LINC00632: variants seen among roughly 807,000 people sequenced by gnomAD.
LINC00632 encodes the protein ALDOA related specific transcript.
chrX:140,738,974 G>A (rs1412379775), intron 3 of LINC00632, among the ~76,000 whole-genome samples: 2 of 111,616 alleles, frequency 1.8e-5, no homozygotes, highest in Non-Finnish European at 3.8e-5. Context: ...CTGATGTAAC[G>A]TGTGCCTTTT....
At chrX:140,748,121 C>T (rs1383746960) in intron 3 of LINC00632, among the ~76,000 whole-genome samples, 1 of 111,953 alleles carries the variant, frequency 8.9e-6, no homozygotes, top group Non-Finnish European at 1.9e-5. Flanking sequence ...AGCCACCATG[C>T]CTGGCCTATC....
In LINC00632 at chrX:140,723,672, C is replaced by T. The variant is rs868063162; in HGVS notation, n.105-10206C>T. 8.6e-4 allele frequency among the ~76,000 whole-genome samples: 17 copies of T among 19,803 alleles called. 1 individual carries two copies. The highest frequency in any genetic ancestry group is 1.5e-3 in the Admixed American group (2 of 1,320). 17.2% of individuals were successfully genotyped at this position (19,803 alleles called of 115,157 possible). On this transcript the variant is annotated intron_variant and non_coding_transcript_variant, in intron 2 of 4. Transcript: ENST00000648200. ...TACACACACACATTCCATATACACA[C>T]ATTCCATACACACACATAGACACAC...
chrX:140,751,279 C>T (rs992200192), intron 3 of LINC00632, among the ~76,000 whole-genome samples: 2 of 91,799 alleles, frequency 2.2e-5, no homozygotes, highest in African/African-American at 7.3e-5. Flanking sequence ...ACATCCATGC[C>T]AACATCTTTT....
chrX:140,790,040 C>A (rs895039928), exon 5 of LINC00632, among the ~76,000 whole-genome samples: 6 of 111,197 alleles, frequency 5.4e-5, no homozygotes, highest in African/African-American at 2.0e-4. Flanking sequence ...CCTATATATT[C>A]TTCTAATCAA....
exon 5 of LINC00632, among the ~76,000 whole-genome samples, chrX:140,777,684 G>A (rs1359832056): frequency 8.0e-5 from 9 of 112,055 alleles, no homozygotes; most frequent in Non-Finnish European, 1.7e-4. Context: ...AGTGGGCCCA[G>A]GAACTAGGAA....
intron 3 of LINC00632, among the ~76,000 whole-genome samples, chrX:140,771,667 A>ATT (rs1931798038): frequency 3.8e-5 from 1 of 26,561 alleles, no homozygotes; most frequent in Non-Finnish European, 6.6e-5. Flanking sequence ...GTGTGTGTGT[A>ATT]TATATATATA....
chrX:140,765,824 C>T (rs1334868878), intron 3 of LINC00632, among the ~76,000 whole-genome samples: 10 of 111,698 alleles, frequency 9.0e-5, no homozygotes, highest in African/African-American at 3.3e-4. Context: ...CAAGTAGCTC[C>T]GGAGTAGGGG....
chrX:140,718,943 A>T (rs1417764325), intron 2 of LINC00632, among the ~76,000 whole-genome samples: 1 of 111,747 alleles, frequency 8.9e-6, no homozygotes, highest in African/African-American at 3.3e-5. Context: ...CCACAACACA[A>T]GGAACTCACT....
At chrX:140,761,668 C>T (rs1470155532) in intron 3 of LINC00632, among the ~76,000 whole-genome samples, 1 of 112,784 alleles carries the variant, frequency 8.9e-6, no homozygotes, top group Non-Finnish European at 1.9e-5. Flanking sequence ...CCTTAAGTAT[C>T]TTCTTCCCAA....
At chrX:140,716,960 A>G (rs1381805306) in intron 2 of LINC00632, among the ~76,000 whole-genome samples, 1 of 110,657 alleles carries the variant, frequency 9.0e-6, no homozygotes, top group African/African-American at 3.3e-5. Context: ...TGGCAGCATC[A>G]CATGATAACA....
intron 3 of LINC00632, among the ~76,000 whole-genome samples, chrX:140,734,580 A>T (rs980139682): frequency 5.5e-5 from 6 of 109,918 alleles, no homozygotes; most frequent in Non-Finnish European, 7.6e-5. Context: ...TCGTCACCTT[A>T]CCATACATGC....
exon 5 of LINC00632, chrX:140,784,526 T>TGTGTCTTCCAGCATCTTC (rs1280466420): frequency 5.2e-5 from 31 of 601,717 alleles, no homozygotes; most frequent in Non-Finnish European, 8.2e-5. Context: ...CCAGCATCTC[T>TGTGTCTTCCAGCATCTTC]GTGTCTTCCA....
chrX:140,776,023 C>T (rs1259845047), exon 5 of LINC00632, among the ~76,000 whole-genome samples: 1 of 112,087 alleles, frequency 8.9e-6, no homozygotes, highest in Admixed American at 9.4e-5. Flanking sequence ...ATTTTGCAAT[C>T]TACCCATCTG....
intron 2 of LINC00632, among the ~76,000 whole-genome samples, chrX:140,731,939 C>T (rs771036678): frequency 5.5e-4 from 61 of 111,573 alleles, no homozygotes; most frequent in Non-Finnish European, 9.4e-4. Context: ...CGTGGCAGTT[C>T]GTGCCTGTAA....
intron 3 of LINC00632, among the ~76,000 whole-genome samples, chrX:140,753,900 C>T (rs749012094): frequency 8.0e-4 from 86 of 106,904 alleles, no homozygotes; most frequent in South Asian, 1.7e-3. Context: ...CTCAGCCTGC[C>T]GAGTAGTTGG....
chrX:140,722,763 G>C (rs971555345), intron 2 of LINC00632, among the ~76,000 whole-genome samples: 2 of 111,474 alleles, frequency 1.8e-5, no homozygotes, highest in Non-Finnish European at 3.8e-5. Context: ...GAAACTTGCC[G>C]GGCAAAACAA....
intron 3 of LINC00632, among the ~76,000 whole-genome samples, chrX:140,746,220 A>C (rs1469463187): frequency 1.8e-5 from 2 of 112,193 alleles, no homozygotes; most frequent in Non-Finnish European, 3.8e-5. Context: ...AACATTTAAA[A>C]TCTACTCTTT....
rs142693463 is a variant in LINC00632 at position 140,772,211 on chromosome X, T to C, written n.325T>C. On this transcript the variant is annotated non_coding_transcript_exon_variant, in exon 4 of 5. Coordinates refer to ENST00000648200, the Ensembl canonical transcript of LINC00632. ...CGCGCCTTTGAGAGCTTTGGAACGA[T>C]ATGCAAGTTCAAGTCACCATCCTGT... The C allele has an allele frequency of 3.7e-3, 1,098 of 294,237 alleles. 10 individuals carry two copies. The highest frequency in any genetic ancestry group is 0.026 in the African/African-American group (954 of 36,025). 24.2% of individuals were successfully genotyped at this position (294,237 alleles called of 1,213,427 possible).
chrX:140,728,133 G>A (rs888829550), intron 2 of LINC00632, among the ~76,000 whole-genome samples: 4 of 109,818 alleles, frequency 3.6e-5, no homozygotes, highest in Non-Finnish European at 5.7e-5. Flanking sequence ...CCAGCTACTC[G>A]GGAGGCTGAG....
Sources: allele counts gnomAD v4.1 joint callset (sites outside exome capture counted in the v4.1 genomes callset), GRCh38; gene constraint gnomAD v4.1.1; transcripts MANE v1.5; gene names NCBI Gene and HGNC (gene_info 2026-07-23, HGNC 2026-07-21).